PDE11A: variants seen among roughly 807,000 people sequenced by gnomAD.
PDE11A encodes dual 3',5'-cyclic-AMP and -GMP phosphodiesterase 11A.
A neutral mutation model predicts 100.5 loss-of-function variants in PDE11A; 100 were observed. That is an observed-to-expected ratio of 1.00 (90% confidence interval 0.85 to 1.18). The LOEUF (loss-of-function observed/expected upper bound fraction) is 1.18, where lower values mean the gene tolerates loss of function less well. Among genes scored for constraint, PDE11A ranks in the 50% most tolerant of loss-of-function variants. The pLI is 0.00. For missense variants in PDE11A, 1,141 were observed against 1,152.6 expected (o/e 0.99, Z 0.15); for synonymous variants, 381 against 420.8 (o/e 0.91, Z 1.16).
chr2:177,906,240 C>CA (rs2084786614), intron 2 of PDE11A, among the ~76,000 whole-genome samples: 1 of 152,064 alleles, frequency 6.6e-6, no homozygotes, highest in African/African-American at 2.4e-5. Context: ...CAAGCGCTGG[C>CA]AAAATAGAGC....
chr2:177,797,944 C>G (rs1009370554), intron 9 of PDE11A, among the ~76,000 whole-genome samples: 6 of 152,188 alleles, frequency 3.9e-5, no homozygotes, highest in Non-Finnish European at 7.3e-5. Flanking sequence ...CAATGATTCT[C>G]CACTGCTTTT....
At chr2:177,798,036 C>A (rs1256702634) in intron 9 of PDE11A, among the ~76,000 whole-genome samples, 1 of 152,148 alleles carries the variant, frequency 6.6e-6, no homozygotes, top group African/African-American at 2.4e-5. Context: ...TCAGGCCCTG[C>A]CTCTCCCCTG....
At chr2:177,853,714 T>TGTGTGTGTGTGTGTGTG (rs1558974124) in intron 5 of PDE11A, among the ~76,000 whole-genome samples, 4 of 16,300 alleles carry the variant, frequency 2.5e-4, no homozygotes, top group Non-Finnish European at 3.8e-4. Flanking sequence ...GTGTGTGTGT[T>TGTGTGTGTGTGTGTGTG]TGTGTGTGTG....
intron 2 of PDE11A, among the ~76,000 whole-genome samples, chr2:177,924,502 C>T (rs1201519865): frequency 6.6e-6 from 1 of 152,174 alleles, no homozygotes; most frequent in Non-Finnish European, 1.5e-5. Context: ...AGAAGGCCAT[C>T]ACTCAAGGAA....
chr2:177,843,692 G>A (rs753954255), intron 5 of PDE11A, among the ~76,000 whole-genome samples: 14 of 152,308 alleles, frequency 9.2e-5, no homozygotes, highest in South Asian at 2.1e-4. Flanking sequence ...GGTTGAGGCC[G>A]TTTCTAAAGT....
intron 8 of PDE11A, among the ~76,000 whole-genome samples, chr2:177,817,436 T>C (rs182231713): frequency 1.3e-5 from 2 of 152,288 alleles, no homozygotes; most frequent in East Asian, 1.9e-4. Flanking sequence ...TGGTACAGTC[T>C]ATGAGGAAGC....
In PDE11A at chr2:177,697,387, G is replaced by C; in HGVS notation, c.2290C>G (p.Leu764Val). Residue 764 changes from leucine to valine, a missense_variant, in exon 15 of 20, where the codon CTT (leucine) becomes GTT (valine). Physicochemically the swap from Leu to Val is conservative, Grantham distance 32. Transcript: ENST00000286063. Reference protein sequence around the residue: ...ANLSSKEYSDLMQLLKQSILA... With the variant: ...ANLSSKEYSDVMQLLKQSILA... ...ATTGACTGCTTCAAAAGCTGCATAAGGTCACTATATTCCTTGGAGGACAGG... is the reference window on the plus strand; with the variant it reads ...ATTGACTGCTTCAAAAGCTGCATAACGTCACTATATTCCTTGGAGGACAGG... The C allele has an allele frequency of 1.2e-6, 2 of 1,602,616 alleles. No individual in the cohort carries two copies. The highest frequency in any genetic ancestry group is 1.7e-6 in the Non-Finnish European group (2 of 1,169,730).
intron 2 of PDE11A, among the ~76,000 whole-genome samples, chr2:177,913,992 C>G (rs922536377): frequency 1.2e-4 from 18 of 152,132 alleles, no homozygotes; most frequent in African/African-American, 4.1e-4. Flanking sequence ...CTCCCACTAA[C>G]AGTAATCAGA....
intron 9 of PDE11A, among the ~76,000 whole-genome samples, chr2:177,771,899 G>A (rs1184031364): frequency 6.6e-6 from 1 of 152,104 alleles, no homozygotes; most frequent in Non-Finnish European, 1.5e-5. Context: ...CTACTTGGGA[G>A]GCTGAGGCGG....
upstream of PDE11A, among the ~76,000 whole-genome samples, chr2:178,076,270 T>C (rs2087207300): frequency 2.0e-5 from 3 of 152,212 alleles, no homozygotes; most frequent in African/African-American, 7.2e-5. Flanking sequence ...AGACTTCCTA[T>C]TTGTATTTTT....
chr2:177,841,399 C>T (rs1432602747), intron 5 of PDE11A, among the ~76,000 whole-genome samples: 1 of 150,664 alleles, frequency 6.6e-6, no homozygotes, highest in African/African-American at 2.4e-5. Context: ...TTATGTGGAA[C>T]CCTGGATTTC....
chr2:177,926,340 G>C (rs1394629819), intron 2 of PDE11A, among the ~76,000 whole-genome samples: 1 of 152,166 alleles, frequency 6.6e-6, no homozygotes, highest in Non-Finnish European at 1.5e-5. Flanking sequence ...TTTAGGGAAA[G>C]TTTATAGCAA....
intron 12 of PDE11A, among the ~76,000 whole-genome samples, chr2:177,721,137 T>C (rs1447323670): frequency 2.0e-5 from 3 of 152,194 alleles, no homozygotes; most frequent in Non-Finnish European, 1.5e-5. Flanking sequence ...TTAGCATAAA[T>C]TTCAAATTCT....
At chr2:177,981,185 A>G (rs2085877094) in intron 2 of PDE11A, among the ~76,000 whole-genome samples, 1 of 150,634 alleles carries the variant, frequency 6.6e-6, no homozygotes, top group African/African-American at 2.4e-5. Flanking sequence ...CTAGATGTAA[A>G]TAAGACAATT....
chr2:178,081,677 C>T (rs1273509635), intron 2 of PDE11A, among the ~76,000 whole-genome samples: 1 of 152,162 alleles, frequency 6.6e-6, no homozygotes, highest in Admixed American at 6.5e-5. Flanking sequence ...GTTTTAAGCA[C>T]TTTTTTGTTT....
chr2:177,802,546 A>G (rs996276052), intron 9 of PDE11A, among the ~76,000 whole-genome samples: 2 of 152,064 alleles, frequency 1.3e-5, no homozygotes, highest in Admixed American at 6.6e-5. Context: ...TATATACCCA[A>G]CCTGGACAAA....
Position 177,697,341 on chromosome 2 carries a change from A to G in PDE11A, c.2336T>C (p.Leu779Pro), listed in dbSNP as rs756779426. 4 of 1,529,420 alleles carry G rather than the reference A, an allele frequency of 2.6e-6. No individual in the cohort carries two copies. The highest frequency in any genetic ancestry group is 3.6e-6 in the Non-Finnish European group (4 of 1,102,856). The allele number at this position is 1,529,420 out of a possible 1,614,324, so 94.7% of individuals were successfully genotyped here. Residue 779 changes from leucine to proline, a missense_variant, in exon 15 of 20, where the codon CTG (leucine) becomes CCG (proline). Transcript: ENST00000286063. ...AAATGCCAATACCTACTCAAAGTAC[A>G]GCGTGAGGTCTGTTGCCAATATTGA... is the stretch of plus-strand genomic sequence containing the variant. ...KQSILATDLT[L>P]YFERRTEFFE...
At chr2:177,942,552 G>A (rs1382683492) in intron 2 of PDE11A, among the ~76,000 whole-genome samples, 1 of 151,952 alleles carries the variant, frequency 6.6e-6, no homozygotes, top group African/African-American at 2.4e-5. Flanking sequence ...ACAGGCATGT[G>A]CCACCACGCC....
chr2:177,819,025 G>A (rs2083092430), intron 7 of PDE11A, among the ~76,000 whole-genome samples: 1 of 152,018 alleles, frequency 6.6e-6, no homozygotes. Flanking sequence ...TAATTTTGAA[G>A]TAATAAGGGA....
Sources: allele counts gnomAD v4.1 joint callset (sites outside exome capture counted in the v4.1 genomes callset), GRCh38; gene constraint gnomAD v4.1.1; transcripts MANE v1.5; gene names NCBI Gene and HGNC (gene_info 2026-07-23, HGNC 2026-07-21).